NAALADL1: variants seen among roughly 807,000 people sequenced by gnomAD.
NAALADL1 encodes N-acetylated alpha-linked acidic dipeptidase like 1, also known as aminopeptidase NAALADL1.
NAALADL1 carries 77 observed loss-of-function variants against 82.8 expected under a neutral mutation model. That is an observed-to-expected ratio of 0.93 (90% CI 0.77 to 1.12). NAALADL1 has a LOEUF of 1.12. Among genes scored for constraint, NAALADL1 ranks in the 50% most tolerant of loss-of-function variants. The pLI is 0.00. For missense variants in NAALADL1, 956 were observed against 964.0 expected (o/e 0.99, Z 0.11); for synonymous variants, 358 against 399.2 (o/e 0.90, Z 1.23).
At position 65,047,698 on chromosome 11, in the gene NAALADL1, T is replaced by C. The variant is rs758920643; in HGVS notation, c.1457A>G (p.Asn486Ser). Reference sequence around the variant, plus strand: ...GCTGCGGTTGAAGTACCGGATCCAGTTGTCGTAGATGCTCAGGTCGCCAGG... The same window carrying C: ...GCTGCGGTTGAAGTACCGGATCCAGCTGTCGTAGATGCTCAGGTCGCCAGG... ...PGPGDLSIYD[N>S]WIRYFNRSSP... is the part of the protein sequence containing the mutation. Residue 486 changes from asparagine to serine, a missense_variant, in exon 12 of 18, where the codon AAC becomes AGC. Asn to Ser is a conservative substitution (Grantham distance 46). Coordinates refer to ENST00000358658, the MANE Select transcript of NAALADL1 (RefSeq NM_005468.3). The C allele has an allele frequency of 9.9e-6, 16 of 1,608,358 alleles. No individual in the cohort carries two copies. Among genetic ancestry groups the C allele is most frequent in the Non-Finnish European group, 1.4e-5 (16 of 1,178,192 alleles).
intron 17 of NAALADL1, 68 bp downstream of exon 17, chr11:65,045,754 G>C (rs1051782646): frequency 7.0e-7 from 1 of 1,438,140 alleles, no homozygotes; most frequent in African/African-American, 1.4e-5. Context: ...TGACCACCTC[G>C]TCTCAGGTGG....
At position 65,048,389 on chromosome 11, in the gene NAALADL1, G is replaced by A. The variant is rs1408831808; in HGVS notation, c.1199-4C>T. 2 of 1,614,144 alleles carry A rather than the reference G, an allele frequency of 1.2e-6. No individual in the cohort carries two copies. The highest frequency in any genetic ancestry group is 1.7e-6 in the Non-Finnish European group (2 of 1,180,026). On this transcript the variant is annotated splice_polypyrimidine_tract_variant and splice_region_variant and intron_variant, in intron 8 of 17. Coordinates refer to ENST00000358658, the MANE Select transcript of NAALADL1 (RefSeq NM_005468.3). ...GATCTGCGAGGACGCCAGGTGCCTG[G>A]GAATGGGGGATAGAGGGTTGGAGGA...
Position 65,053,072 on chromosome 11 carries a change from C to T in NAALADL1, c.1198+146G>A. On this transcript the variant is annotated intron_variant, in intron 8 of 17. Transcript: ENST00000358658. The surrounding 1 kb of genome is among the most constrained non-coding windows in gnomAD (Gnocchi z 4.3). ...TTCCCTGTACCACACTGGGCTGCTG[C>T]AGGCCAAGGCTGGTGTCATGCATGT... 2 of 1,060,294 alleles carry T rather than the reference C, an allele frequency of 1.9e-6. No homozygotes were observed. The highest frequency in any genetic ancestry group is 3.3e-5 in the South Asian group (2 of 60,208). The allele number at this position is 1,060,294 out of a possible 1,614,324, so 65.7% of individuals were successfully genotyped here. A position where few individuals can be genotyped will look rare whatever the true frequency, so the allele number is the denominator to read the frequency against.
chr11:65,051,484 T>C (rs1246149295), intron 8 of NAALADL1, among the ~76,000 whole-genome samples: 1 of 151,578 alleles, frequency 6.6e-6, no homozygotes, highest in Non-Finnish European at 1.5e-5. Flanking sequence ...CACAGGCACA[T>C]GTCACCACGC....
intron 13 of NAALADL1, among the ~76,000 whole-genome samples, chr11:65,047,207 C>T (rs935526228): frequency 6.6e-6 from 1 of 152,318 alleles, no homozygotes; most frequent in East Asian, 1.9e-4. Flanking sequence ...CCAAGGCTCA[C>T]ACCTGTAATC....
chr11:65,045,397 G>T lies in NAALADL1; in HGVS notation c.2097C>A (p.Ala699=). 6.2e-7 allele frequency: 1 copy of T among 1,613,282 alleles called. No individual in the cohort carries two copies. The highest frequency in any genetic ancestry group is 1.3e-5 in the African/African-American group (1 of 75,056). The part of the protein sequence containing the change: ...SVVTFPGLSN[A]CSRARDTASG... Reference sequence around the variant, plus strand: ...AAGCTGTGTCCCTGGCCCTGGAGCAGGCATTGGATAGGCCCGGGAATGTGA... The same window carrying T: ...AAGCTGTGTCCCTGGCCCTGGAGCATGCATTGGATAGGCCCGGGAATGTGA... The change falls in exon 18 of 18, where the codon GCC becomes GCA. Residue 699 remains alanine, a synonymous_variant. Transcript: ENST00000358658.
At chr11:65,047,819 C>T (rs1025558942) in intron 11 of NAALADL1, 81 bp from the exon 12 acceptor site, 2 of 1,492,478 alleles carry the variant, frequency 1.3e-6, no homozygotes, top group African/African-American at 1.4e-5. Context: ...CGGTCTCCTG[C>T]CCACCCGTGG....
chr11:65,044,907 C>A lies in NAALADL1; in HGVS notation c.*364G>T. ...CAGCATGCAGGGAGAGGAACGCAGA[C>A]TAGCCAAGGCCTAAGGTACCCCAAG... On this transcript the variant is annotated 3_prime_UTR_variant, in exon 18 of 18. Coordinates refer to ENST00000358658, the MANE Select transcript of NAALADL1 (RefSeq NM_005468.3). This position sits in a 1 kb window ranked among gnomAD's most constrained non-coding sequence, Gnocchi z 4.0. 1.4e-6 allele frequency: 1 copy of A among 738,344 alleles called. No individual in the cohort carries two copies. Among genetic ancestry groups the A allele is most frequent in the Non-Finnish European group, 2.2e-6 (1 of 464,838 alleles). 45.7% of individuals were successfully genotyped at this position (738,344 alleles called of 1,614,324 possible). A position where few individuals can be genotyped will look rare whatever the true frequency, so the allele number is the denominator to read the frequency against.
chr11:65,059,159 T>G (rs2137045107), upstream of NAALADL1, among the ~76,000 whole-genome samples: 1 of 152,102 alleles, frequency 6.6e-6, no homozygotes, highest in South Asian at 2.1e-4. Context: ...ATTACGGGTG[T>G]GCACCACCAT....
chr11:65,054,422 G>A lies in NAALADL1; in HGVS notation c.887+33C>T, dbSNP rs1946977870. ...GGGCTTGAAGTCTGGAGGCCACTGG[G>A]GCTGGGCAGGACACCCCAGGGCACA... On this transcript the variant is annotated intron_variant, in intron 5 of 17. Coordinates refer to ENST00000358658, the MANE Select transcript of NAALADL1 (RefSeq NM_005468.3). The surrounding 1 kb of genome is among the most constrained non-coding windows in gnomAD (Gnocchi z 4.3). 6.2e-7 allele frequency: 1 copy of A among 1,612,692 alleles called. No individual in the cohort carries two copies. The highest frequency in any genetic ancestry group is 8.5e-7 in the Non-Finnish European group (1 of 1,178,990).
At position 65,057,908 on chromosome 11, in the gene NAALADL1, G is replaced by A; in HGVS notation, c.447C>T (p.Pro149=). The change falls in exon 3 of 18, where the codon CCC becomes CCT. Residue 149 remains proline, a synonymous_variant. Coordinates refer to ENST00000358658, the MANE Select transcript of NAALADL1 (RefSeq NM_005468.3). ...GEQGGPDVVQ[P]YAAYAPSGTP... ...TTCCAGAAGGAGCATAGGCAGCATA[G>A]GGTTGTACCACATCTGGCCCCCCTT... The A allele has an allele frequency of 6.2e-7, 1 of 1,614,106 alleles. No individual in the cohort carries two copies. The highest frequency in any genetic ancestry group is 1.1e-5 in the South Asian group (1 of 91,082).
In NAALADL1 at chr11:65,053,140, T is replaced by C; in HGVS notation, c.1198+78A>G. On this transcript the variant is annotated intron_variant, in intron 8 of 17. Transcript: ENST00000358658. The surrounding 1 kb of genome is among the most constrained non-coding windows in gnomAD (Gnocchi z 4.3). ...AGGCATGGCACAAGGAGCACTGCAG[T>C]GTGAGGGAGAGGAGGTGGAACAGGA... 2.1e-6 allele frequency: 3 copies of C among 1,461,840 alleles called. No homozygotes were observed. Among genetic ancestry groups the C allele is most frequent in the Non-Finnish European group, 2.7e-6 (3 of 1,099,184 alleles). The allele number at this position is 1,461,840 out of a possible 1,614,324, so 90.6% of individuals were successfully genotyped here.
At chr11:65,058,026 G>A (rs1325363100) in intron 2 of NAALADL1, 30 bp from the exon 3 acceptor site, 2 of 1,613,856 alleles carry the variant, frequency 1.2e-6, no homozygotes, top group East Asian at 2.2e-5. Flanking sequence ...ATCATGGCTG[G>A]GCCCAGCAGC....
chr11:65,057,568 A>G (rs1329358318), intron 3 of NAALADL1, 75 bp from the exon 4 acceptor site: 1 of 1,532,430 alleles, frequency 6.5e-7, no homozygotes, highest in Non-Finnish European at 8.8e-7. Context: ...GGAAGTTTGC[A>G]TGGCAGGAGG....
chr11:65,060,150 A>G (rs1008925009), upstream of NAALADL1, among the ~76,000 whole-genome samples: 6 of 150,238 alleles, frequency 4.0e-5, no homozygotes, highest in African/African-American at 9.8e-5. Flanking sequence ...GTGTGTGTGC[A>G]CGTGCATGTG....
At chr11:65,052,376 C>T (rs933419304) in intron 8 of NAALADL1, among the ~76,000 whole-genome samples, 4 of 151,956 alleles carry the variant, frequency 2.6e-5, no homozygotes, top group Non-Finnish European at 5.9e-5. Flanking sequence ...TGCAGTGGCG[C>T]GATCTCAGCT....
At chr11:65,047,910 CGT>C in intron 11 of NAALADL1, 69 bp downstream of exon 11, 8 of 1,358,232 alleles carry the variant, frequency 5.9e-6, no homozygotes, top group Non-Finnish European at 8.1e-6. Context: ...CCCGCCCACC[CGT>C]AGCGGCCCCG....
At chr11:65,047,954 AGCCCC>A in intron 11 of NAALADL1, 22 bp downstream of exon 11, 1 of 1,481,168 alleles carries the variant, frequency 6.8e-7, no homozygotes, top group Non-Finnish European at 9.0e-7. Flanking sequence ...CAGCTAGTTC[AGCCCC>A]GCCCGGCCTG....
chr11:65,061,024 C>T (rs530886116), upstream of NAALADL1, among the ~76,000 whole-genome samples: 158 of 152,256 alleles, frequency 1.0e-3, 1 homozygote, highest in African/African-American at 3.5e-3. Context: ...CAGTTTGAGG[C>T]CCTGGAAGCC....
Sources: allele counts gnomAD v4.1 joint callset (sites outside exome capture counted in the v4.1 genomes callset), GRCh38; gene constraint gnomAD v4.1.1; non-coding constraint Gnocchi (gnomAD v3.1); transcripts MANE v1.5; gene names NCBI Gene and HGNC (gene_info 2026-07-23, HGNC 2026-07-21).